SYNE3: variants seen among roughly 807,000 people sequenced by gnomAD.
SYNE3 encodes nesprin-3.
A neutral mutation model predicts 111.2 loss-of-function variants in SYNE3; 100 were observed. The ratio of observed to expected loss-of-function variants is 0.90; its 90% CI spans 0.77 to 1.06. The LOEUF (loss-of-function observed/expected upper bound fraction) is 1.06, where lower values mean the gene tolerates loss of function less well. Ranked by LOEUF, SYNE3 falls within the 50% of genes least tolerant of loss-of-function variation. The pLI, the probability that SYNE3 is intolerant of heterozygous loss-of-function variation, is 0.00. For missense variants in SYNE3, 1,160 were observed against 1,240.3 expected (o/e 0.94, Z 0.97); for synonymous variants, 547 against 533.9 (o/e 1.02, Z -0.34).
chr14:95,430,298 G>C (rs1003916259), intron 17 of SYNE3, among the ~76,000 whole-genome samples: 1 of 152,126 alleles, frequency 6.6e-6, no homozygotes, highest in Non-Finnish European at 1.5e-5. Context: ...AGTCGGTCTG[G>C]ACACAAGGTC....
In SYNE3 at chr14:95,412,837, T is replaced by C. The variant is rs1348529918; in HGVS notation, c.*4989A>G. 1 of 152,058 alleles carries C rather than the reference T, an allele frequency of 6.6e-6. No individual in the cohort carries two copies. The highest frequency in any genetic ancestry group is 2.4e-5 in the African/African-American group (1 of 41,388). 9.4% of individuals were successfully genotyped at this position (152,058 alleles called of 1,614,324 possible). The stretch of plus-strand genomic sequence containing the variant: ...TATGGGGAGCAAAACCAACATAGAG[T>C]TGGCAACTTTTTATTTTGTCCAATG... On this transcript the variant is annotated 3_prime_UTR_variant, in exon 18 of 18. Transcript: ENST00000682763.
Position 95,476,481 on chromosome 14 carries a change from T to C in SYNE3, c.-14-646A>G, listed in dbSNP as rs1888897528. On this transcript the variant is annotated intron_variant, in intron 1 of 17. Coordinates refer to ENST00000682763, the MANE Select transcript of SYNE3 (RefSeq NM_152592.6). ...ACATAATGCTCGAGATGCAACCCGC[T>C]TGCTATGCCGGCCCTAGGTAACACC... 3.3e-5 allele frequency among the ~76,000 whole-genome samples: 5 copies of C among 152,338 alleles called. No homozygotes were observed. The South Asian group carries it at 1.0e-3, about 32-fold the overall frequency.
intron 4 of SYNE3, among the ~76,000 whole-genome samples, chr14:95,465,562 T>A (rs778273039): frequency 6.6e-6 from 1 of 152,026 alleles, no homozygotes; most frequent in Non-Finnish European, 1.5e-5. Flanking sequence ...GGCGATTAAG[T>A]GGTTGAAGAG....
intron 9 of SYNE3, among the ~76,000 whole-genome samples, chr14:95,445,382 T>C (rs1886652586): frequency 6.6e-6 from 1 of 152,222 alleles, no homozygotes; most frequent in African/African-American, 2.4e-5. Flanking sequence ...CTGGAGCTCT[T>C]AGCAATGCCC....
intron 8 of SYNE3, 192 bp downstream of exon 8, chr14:95,449,738 GC>G (rs1886944433): frequency 1.0e-6 from 1 of 967,872 alleles, no homozygotes; most frequent in South Asian, 4.8e-5. Context: ...CAGGAGCCGA[GC>G]TGACCTTTGT....
chr14:95,475,201 G>T (rs1165082083), intron 2 of SYNE3, among the ~76,000 whole-genome samples: 2 of 152,216 alleles, frequency 1.3e-5, no homozygotes, highest in African/African-American at 4.8e-5. Context: ...GCCAGACTAT[G>T]GTTCTGGAGA....
intron 1 of SYNE3, among the ~76,000 whole-genome samples, chr14:95,498,908 T>TA (rs149755393): frequency 2.0e-5 from 3 of 151,878 alleles, no homozygotes; most frequent in Non-Finnish European, 4.4e-5. Context: ...ACTTTCCAGC[T>TA]AAAAAAAATA....
chr14:95,508,700 C>T (rs1890615092), intron 1 of SYNE3, among the ~76,000 whole-genome samples: 2 of 152,302 alleles, frequency 1.3e-5, no homozygotes, highest in East Asian at 3.9e-4. Context: ...TTGGCATGAG[C>T]AGGAGAGAGA....
chr14:95,409,104 C>G lies in SYNE3; in HGVS notation c.*8722G>C, dbSNP rs1234581320. 4.4e-6 allele frequency: 2 copies of G among 452,284 alleles called. No homozygotes were observed. Among genetic ancestry groups the G allele is most frequent in the Non-Finnish European group, 8.9e-6 (2 of 223,528 alleles). The allele number at this position is 452,284 out of a possible 1,614,324, so 28.0% of individuals were successfully genotyped here. A position where few individuals can be genotyped will look rare whatever the true frequency, so the allele number is the denominator to read the frequency against. On this transcript the variant is annotated 3_prime_UTR_variant, in exon 18 of 18. Transcript: ENST00000682763. ...CTGCCAGAGTGGCAGCAGCCCGCGG[C>G]CTGCAAAGGAAAGGAAAGCAACTGA...
chr14:95,470,864 A>G lies in SYNE3; in HGVS notation c.145-2897T>C, dbSNP rs192008670. Among the ~76,000 whole-genome samples the G allele has an allele frequency of 3.9e-5, 6 of 151,994 alleles. No homozygotes were observed. In the East Asian group the frequency reaches 1.2e-3, roughly 29 times the overall value. ...TCCTAGCTACTCAGGAGGCTGAGGC[A>G]GGAGACTTGCTTGAACCTGGGAGGC... is the stretch of plus-strand genomic sequence containing the variant. On this transcript the variant is annotated intron_variant, in intron 2 of 17. Transcript: ENST00000682763. This position sits in a 1 kb window ranked among gnomAD's most constrained non-coding sequence, Gnocchi z 4.2.
Position 95,455,720 on chromosome 14 carries a change from A to G in SYNE3, c.794T>C (p.Ile265Thr). ...CTCGCCCCTGGGAAAATCTTTGGCA[A>G]TGTCCTGAAGAGGGTAGAGGGGTGA... Reference protein sequence around the residue: ...ITQRLSTLQDIAKDFPRGEES... With the variant: ...ITQRLSTLQDTAKDFPRGEES... Residue 265 changes from isoleucine (I) to threonine (T), a missense_variant, in exon 6 of 18, where the codon ATT becomes ACT. Physicochemically the swap from Ile to Thr is moderately conservative, Grantham distance 89 (BLOSUM62 -1). Coordinates refer to ENST00000682763, the MANE Select transcript of SYNE3 (RefSeq NM_152592.6). The G allele has an allele frequency of 6.2e-7, 1 of 1,613,970 alleles. No homozygotes were observed. Among genetic ancestry groups the G allele is most frequent in the African/African-American group, 1.3e-5 (1 of 75,056 alleles).
rs562223527 is a variant in SYNE3, at chr14:95,499,506, G to C, written c.-15+17090C>G. On this transcript the variant is annotated intron_variant, in intron 1 of 17. Transcript: ENST00000682763. Reference sequence around the variant, plus strand: ...CTGGCTACATTCACCCATTGGCTTTGGCATCACCACCTCCAGAAAGCCTTC... The same window carrying C: ...CTGGCTACATTCACCCATTGGCTTTCGCATCACCACCTCCAGAAAGCCTTC... 4.6e-5 allele frequency among the ~76,000 whole-genome samples: 7 copies of C among 152,132 alleles called. No individual in the cohort carries two copies. The East Asian group carries it at 1.4e-3, about 29-fold the overall frequency.
At chr14:95,429,396 G>A (rs1402649402) in intron 17 of SYNE3, among the ~76,000 whole-genome samples, 1 of 152,192 alleles carries the variant, frequency 6.6e-6, no homozygotes, top group African/African-American at 2.4e-5. Flanking sequence ...GTAAAGTGGT[G>A]GTTCTCAAAG....
At chr14:95,441,192 C>T (rs1002400475) in intron 11 of SYNE3, among the ~76,000 whole-genome samples, 4 of 152,244 alleles carry the variant, frequency 2.6e-5, no homozygotes, top group Non-Finnish European at 5.9e-5. Context: ...CTACATTCCA[C>T]AGACACTGAC....
At chr14:95,452,410 G>T in intron 6 of SYNE3, 27 bp from the exon 7 acceptor site, 1 of 1,582,220 alleles carries the variant, frequency 6.3e-7, no homozygotes, top group Admixed American at 1.7e-5. Flanking sequence ...CACCGCAGCG[G>T]GAGGTGAGGC....
chr14:95,483,532 G>A (rs1223251393), intron 1 of SYNE3, among the ~76,000 whole-genome samples: 4 of 152,068 alleles, frequency 2.6e-5, no homozygotes, highest in Non-Finnish European at 5.9e-5. Context: ...ACACAATTTT[G>A]TTTATTTATC....
At position 95,500,356 on chromosome 14, in the gene SYNE3, G is replaced by A. The variant is rs1439285630; in HGVS notation, c.-15+16240C>T. Among the ~76,000 whole-genome samples, 1 of 152,208 alleles carries A rather than the reference G, an allele frequency of 6.6e-6. No homozygotes were observed. Among genetic ancestry groups the A allele is most frequent in the Non-Finnish European group, 1.5e-5 (1 of 68,048 alleles). The stretch of plus-strand genomic sequence containing the variant: ...AAGCCGGGCATCCAGCCTAGGAACT[G>A]CCTTTTGTCCCGCTGCTCTCTATGG... On this transcript the variant is annotated intron_variant, in intron 1 of 17. Transcript: ENST00000682763. This position sits in a 1 kb window ranked among gnomAD's most constrained non-coding sequence, Gnocchi z 4.7.
At chr14:95,468,102 A>C in intron 2 of SYNE3, 135 bp from the exon 3 acceptor site, 3 of 1,097,964 alleles carry the variant, frequency 2.7e-6, no homozygotes, top group Non-Finnish European at 1.3e-6. Flanking sequence ...CAGCCCCTGC[A>C]CCCCTTCTTG....
At chr14:95,460,409 C>T (rs559265469) in intron 4 of SYNE3, among the ~76,000 whole-genome samples, 8 of 123,934 alleles carry the variant, frequency 6.5e-5, no homozygotes, top group South Asian at 5.3e-4. Flanking sequence ...TTAGAAGAGA[C>T]GGGGTTTCAC....
Sources: gnomAD v4.1 joint callset for allele counts (sites outside exome capture counted in the v4.1 genomes callset) on GRCh38, gnomAD v4.1.1 for gene constraint, Gnocchi (gnomAD v3.1) non-coding constraint, MANE v1.5 for transcripts, NCBI Gene and HGNC (gene_info 2026-07-23, HGNC 2026-07-21) for gene names.